The following JAKMIP3 variants were observed in gnomAD, a reference collection of about 807,000 sequenced individuals.
JAKMIP3 encodes janus kinase and microtubule-interacting protein 3.
In JAKMIP3, 58 loss-of-function variants were observed where a neutral mutation model predicts 118.5. That is an observed-to-expected ratio of 0.49 (90% confidence interval 0.40 to 0.61). The LOEUF (loss-of-function observed/expected upper bound fraction) is 0.61. Among genes scored for constraint, JAKMIP3 ranks in the 20% least tolerant of loss-of-function variants. The pLI, the probability that JAKMIP3 is intolerant of heterozygous loss-of-function variation, is 0.00. For synonymous variants in JAKMIP3, 486 were observed against 451.2 expected, an observed-to-expected ratio of 1.08 and a Z score of -0.98; for missense variants, 950 against 1,109.0, an observed-to-expected ratio of 0.86 and a Z score of 2.04.
At chr10:132,123,158 T>A (rs1027371367) in intron 3 of JAKMIP3, among the ~76,000 whole-genome samples, 3 of 152,272 alleles carry the variant, frequency 2.0e-5, no homozygotes, top group South Asian at 2.1e-4. Flanking sequence ...ACAGGTGCGA[T>A]GACCAGTGCC....
chr10:132,180,604 C>CGCGCGCGCGT (rs2060849835), intron 23 of JAKMIP3, among the ~76,000 whole-genome samples: 1 of 11,990 alleles, frequency 8.3e-5, no homozygotes, highest in African/African-American at 4.2e-4. Flanking sequence ...TGTGCGTGCG[C>CGCGCGCGCGT]GTGTGTGTGT....
At chr10:132,162,598 T>C (rs1340363688) in intron 19 of JAKMIP3, among the ~76,000 whole-genome samples, 1 of 152,238 alleles carries the variant, frequency 6.6e-6, no homozygotes, top group Non-Finnish European at 1.5e-5. Flanking sequence ...TTCCTAATAT[T>C]TCTGCTATCT....
intron 12 of JAKMIP3, 130 bp from the exon 13 acceptor site, chr10:132,145,388 A>G: frequency 9.9e-7 from 1 of 1,012,304 alleles, no homozygotes; most frequent in Non-Finnish European, 1.5e-6. Context: ...TAATTTTTGT[A>G]TTTTTTGTAG....
intron 1 of JAKMIP3, among the ~76,000 whole-genome samples, chr10:132,103,920 A>G (rs1266365875): frequency 6.6e-6 from 1 of 152,072 alleles, no homozygotes; most frequent in South Asian, 2.1e-4. Context: ...CCACCATTCT[A>G]CTTAGTTCCT....
At chr10:132,145,732 C>T (rs1339832579) in intron 13 of JAKMIP3, among the ~76,000 whole-genome samples, 152 bp downstream of exon 13, 1 of 152,202 alleles carries the variant, frequency 6.6e-6, no homozygotes, top group Non-Finnish European at 1.5e-5. Flanking sequence ...CTGCGGGACC[C>T]CATCAGGAGC....
In JAKMIP3 at chr10:132,097,941, C is replaced by CCTTCCTT. The variant is rs1564892905; in HGVS notation, c.-137-6730_-137-6729insTTCCTTC. Among the ~76,000 whole-genome samples the CCTTCCTT allele has an allele frequency of 7.4e-4, 45 of 60,736 alleles. 4 individuals carry two copies. The highest frequency in any genetic ancestry group is 1.4e-3 in the Non-Finnish European group (38 of 28,050). 39.8% of individuals were successfully genotyped at this position (60,736 alleles called of 152,430 possible). A position where few individuals can be genotyped will look rare whatever the true frequency, so the allele number is the denominator to read the frequency against. On this transcript the variant is annotated intron_variant, in intron 1 of 23. Coordinates refer to ENST00000684848, the MANE Select transcript of JAKMIP3 (RefSeq NM_001323087.2). ...TCCCCTTTCCTTCCCCTTCCCCTTTCCCTTTCCCATCCCCTTTCCCTTTCC... is the reference window on the plus strand; with the variant it reads ...TCCCCTTTCCTTCCCCTTCCCCTTTCCTTCCTTCCTTTCCCATCCCCTTTCCCTTTCC...
chr10:132,130,250 T>C (rs1435817527), intron 3 of JAKMIP3, among the ~76,000 whole-genome samples: 5 of 152,214 alleles, frequency 3.3e-5, no homozygotes. Flanking sequence ...TGTATTTTTT[T>C]CCCATCTCCC....
rs1202466230 is a variant in JAKMIP3 at position 132,153,622 on chromosome 10, A to G, written c.2074-137A>G. The G allele has an allele frequency of 3.7e-6, 3 of 816,072 alleles. No individual in the cohort carries two copies. The East Asian group carries it at 7.4e-5, about 20-fold the overall frequency. The allele number at this position is 816,072 out of a possible 1,614,324, so 50.6% of individuals were successfully genotyped here. ...TGCCAGCGCAGCCTCAACTCCCTGGAGAGGGCTGTGCTCTCCCCTCCCTAA... is the reference window on the plus strand; with the variant it reads ...TGCCAGCGCAGCCTCAACTCCCTGGGGAGGGCTGTGCTCTCCCCTCCCTAA... On this transcript the variant is annotated intron_variant, in intron 17 of 23. Coordinates refer to ENST00000684848, the MANE Select transcript of JAKMIP3 (RefSeq NM_001323087.2).
At position 132,149,399 on chromosome 10, in the gene JAKMIP3, C is replaced by A; in HGVS notation, c.1849-13C>A. On this transcript the variant is annotated splice_polypyrimidine_tract_variant and intron_variant, in intron 14 of 23. Transcript: ENST00000684848. ...GGAGGGGAGCGGCTCACCCTTCTGTCCCTCTGTCCTAGGAGAGGGAGAGGA... is the reference window on the plus strand; with the variant it reads ...GGAGGGGAGCGGCTCACCCTTCTGTACCTCTGTCCTAGGAGAGGGAGAGGA... 2 of 1,571,116 alleles carry A rather than the reference C, an allele frequency of 1.3e-6. No homozygotes were observed. Among genetic ancestry groups the A allele is most frequent in the Non-Finnish European group, 1.7e-6 (2 of 1,152,362 alleles).
intron 1 of JAKMIP3, among the ~76,000 whole-genome samples, chr10:132,068,027 G>T (rs886293443): frequency 6.9e-6 from 1 of 145,060 alleles, no homozygotes; most frequent in East Asian, 2.2e-4. Context: ...ATGGGCTTCC[G>T]TGTGGACTGT....
rs763716227 is a variant in JAKMIP3 at position 132,149,364 on chromosome 10, G to A, written c.1849-48G>A. Reference sequence around the variant, plus strand: ...AGGCCCCAGCACAGTCCTCTTAGAGGGAAGGGATGGGAGGGGAGCGGCTCA... The same window carrying A: ...AGGCCCCAGCACAGTCCTCTTAGAGAGAAGGGATGGGAGGGGAGCGGCTCA... On this transcript the variant is annotated intron_variant, in intron 14 of 23. Transcript: ENST00000684848. 3.2e-6 allele frequency: 4 copies of A among 1,262,156 alleles called. No individual in the cohort carries two copies. The South Asian group carries it at 4.0e-5, about 13-fold the overall frequency. The allele number at this position is 1,262,156 out of a possible 1,614,324, so 78.2% of individuals were successfully genotyped here.
intron 1 of JAKMIP3, among the ~76,000 whole-genome samples, chr10:132,095,672 C>T (rs1055568436): frequency 6.6e-6 from 1 of 152,178 alleles, no homozygotes; most frequent in Non-Finnish European, 1.5e-5. Flanking sequence ...GTTCACGACA[C>T]GAGACTCCAC....
At chr10:132,067,751 T>A (rs1331242380) in intron 1 of JAKMIP3, among the ~76,000 whole-genome samples, 1 of 146,812 alleles carries the variant, frequency 6.8e-6, no homozygotes, top group Non-Finnish European at 1.5e-5. Flanking sequence ...GACTGGACTG[T>A]GGGCTTCCGT....
intron 1 of JAKMIP3, among the ~76,000 whole-genome samples, chr10:132,057,491 A>G (rs1414820282): frequency 6.6e-6 from 1 of 152,178 alleles, no homozygotes. Flanking sequence ...TAAATGTGGG[A>G]TGCTCACAGG....
intron 2 of JAKMIP3, among the ~76,000 whole-genome samples, chr10:132,111,643 G>A (rs917355064): frequency 6.6e-5 from 10 of 152,090 alleles, no homozygotes; most frequent in African/African-American, 2.4e-4. Flanking sequence ...AAGGAAAGCC[G>A]GCCTCCCTGG....
At chr10:132,058,794 C>T (rs147705154) in intron 1 of JAKMIP3, among the ~76,000 whole-genome samples, 35 of 152,316 alleles carry the variant, frequency 2.3e-4, no homozygotes, top group Admixed American at 5.9e-4. Context: ...GATAAATCCA[C>T]CGTATGTTCA....
chr10:132,166,949 C>T (rs1473062044), intron 21 of JAKMIP3, 34 bp from the exon 22 acceptor site: 4 of 1,428,994 alleles, frequency 2.8e-6, no homozygotes, highest in Admixed American at 4.0e-5. Flanking sequence ...TCTTTCTTTC[C>T]TTCCGTTTCT....
chr10:132,167,061 T>C lies in JAKMIP3; in HGVS notation c.*22+6T>C. 1 of 1,543,274 alleles carries C rather than the reference T, an allele frequency of 6.5e-7. No homozygotes were observed. The highest frequency in any genetic ancestry group is 8.8e-7 in the Non-Finnish European group (1 of 1,139,614). Reference sequence around the variant, plus strand: ...CGTCTTGGCACCCTGACGTGGTGAGTATTTCGTTGGCAGGGCCCAGCAGGG... The same window carrying C: ...CGTCTTGGCACCCTGACGTGGTGAGCATTTCGTTGGCAGGGCCCAGCAGGG... On this transcript the variant is annotated splice_donor_region_variant and intron_variant, in intron 22 of 23. Coordinates refer to ENST00000684848, the MANE Select transcript of JAKMIP3 (RefSeq NM_001323087.2).
At chr10:132,180,383 A>AT (rs1360873451) in intron 23 of JAKMIP3, among the ~76,000 whole-genome samples, 1 of 116,682 alleles carries the variant, frequency 8.6e-6, no homozygotes, top group Non-Finnish European at 1.6e-5. Flanking sequence ...AGTTTGGATG[A>AT]GGTCCTCAGC....
Sources: allele counts gnomAD v4.1 joint callset (sites outside exome capture counted in the v4.1 genomes callset), GRCh38; gene constraint gnomAD v4.1.1; transcripts MANE v1.5; gene names NCBI Gene and HGNC (gene_info 2026-07-23, HGNC 2026-07-21).